The following ATXN1 variants were observed in gnomAD, a reference collection of about 807,000 sequenced individuals.
ATXN1 encodes the protein ataxin 1, also known as ataxin-1.
Under a neutral mutation model 56.4 loss-of-function variants are expected in ATXN1, and 8 were observed. The ratio of observed to expected loss-of-function variants is 0.14; its 90% confidence interval spans 0.08 to 0.26. The LOEUF is 0.26. Among genes scored for constraint, ATXN1 ranks in the 10% least tolerant of loss-of-function variants. The pLI is 1.00. For synonymous variants in ATXN1, 514 were observed against 494.6 expected (o/e 1.04, Z -0.52); for missense variants, 987 against 1,106.5 (o/e 0.89, Z 1.53).
intron 3 of ATXN1, among the ~76,000 whole-genome samples, chr6:16,639,853 T>A (rs76760544): frequency 0.027 from 4,076 of 152,296 alleles, 76 homozygotes; most frequent in South Asian, 0.074. Context: ...AAGAAATACT[T>A]CTTCTCTGAG....
chr6:16,404,513 C>A (rs1026865963), intron 6 of ATXN1, among the ~76,000 whole-genome samples: 1 of 152,138 alleles, frequency 6.6e-6, no homozygotes, highest in South Asian at 2.1e-4. Context: ...TGATGGGACT[C>A]AAGAGATGCT....
chr6:16,307,488 G>A (rs1760277672), intron 7 of ATXN1, among the ~76,000 whole-genome samples: 1 of 151,820 alleles, frequency 6.6e-6, no homozygotes, highest in African/African-American at 2.4e-5. Flanking sequence ...GGCCAACATG[G>A]GGAAACCCCG....
intron 2 of ATXN1, among the ~76,000 whole-genome samples, chr6:16,700,922 A>C (rs1188076675): frequency 6.6e-6 from 1 of 152,130 alleles, no homozygotes; most frequent in East Asian, 1.9e-4. Context: ...TATCACCTTT[A>C]AACTTTGGTT....
intron 2 of ATXN1, among the ~76,000 whole-genome samples, chr6:16,669,050 T>C (rs376330390): frequency 5.3e-5 from 8 of 152,138 alleles, no homozygotes; most frequent in African/African-American, 1.9e-4. Context: ...CAAGCAATAA[T>C]AACAACAATC....
chr6:16,756,740 C>G (rs1760899141), intron 1 of ATXN1, among the ~76,000 whole-genome samples: 1 of 152,160 alleles, frequency 6.6e-6, no homozygotes, highest in Non-Finnish European at 1.5e-5. Context: ...TGTTCAGATC[C>G]TAATCTATGT....
chr6:16,713,720 T>C (rs1430997799), intron 2 of ATXN1, among the ~76,000 whole-genome samples: 1 of 152,170 alleles, frequency 6.6e-6, no homozygotes, highest in African/African-American at 2.4e-5. Context: ...CACGGAGGGA[T>C]TTGTCAGAAA....
At position 16,386,301 on chromosome 6, in the gene ATXN1, T is replaced by C. The variant is rs564163568; in HGVS notation, c.-160-57831A>G. 5.9e-5 allele frequency among the ~76,000 whole-genome samples: 9 copies of C among 152,318 alleles called. No homozygotes were observed. The East Asian group carries it at 1.7e-3, about 29-fold the overall frequency. ...CAAGATCTACATCGCGTTCTCTGCATTGCACTTGCTGCTGCTTTGTAGTCT... is the reference window on the plus strand; with the variant it reads ...CAAGATCTACATCGCGTTCTCTGCACTGCACTTGCTGCTGCTTTGTAGTCT... On this transcript the variant is annotated intron_variant, in intron 6 of 7. Coordinates refer to ENST00000436367, the MANE Select transcript of ATXN1 (RefSeq NM_001128164.2).
intron 6 of ATXN1, among the ~76,000 whole-genome samples, chr6:16,470,356 A>G (rs1231563045): frequency 6.6e-6 from 1 of 152,164 alleles, no homozygotes; most frequent in African/African-American, 2.4e-5. Context: ...TTATGGGTCT[A>G]GATTCAGTTT....
In ATXN1 at chr6:16,326,495, T is replaced by C; in HGVS notation, c.1816A>G (p.Asn606Asp). The part of the protein sequence containing the change: ...EDFIQSAEIS[N>D]DLKIDSSTVE... The stretch of plus-strand genomic sequence containing the variant: ...GTGCTGGAGTCGATCTTCAGGTCGT[T>C]GCTTATCTCTGCACTCTGGATGAAA... Residue 606 changes from asparagine to aspartate, a missense_variant, in exon 7 of 8, where the codon AAC becomes GAC. Transcript: ENST00000436367. The surrounding 1 kb of genome is among the most constrained non-coding windows in gnomAD (Gnocchi z 6.6). 1 of 1,614,202 alleles carries C rather than the reference T, an allele frequency of 6.2e-7. No homozygotes were observed. Among genetic ancestry groups the C allele is most frequent in the Non-Finnish European group, 8.5e-7 (1 of 1,180,034 alleles).
In ATXN1 at chr6:16,567,992, A is replaced by G. The variant is rs112518023; in HGVS notation, c.-361+17788T>C. On this transcript the variant is annotated intron_variant, in intron 4 of 7. Transcript: ENST00000436367. The stretch of plus-strand genomic sequence containing the variant: ...TATATGTGTAGAACACACACACAAA[A>G]GAGAATTATAAACGTCAGAGCTCTT... 4.2e-3 allele frequency among the ~76,000 whole-genome samples: 643 copies of G among 152,294 alleles called. 5 individuals carry two copies. Among genetic ancestry groups the G allele is most frequent in the African/African-American group, 0.015 (603 of 41,550 alleles).
intron 4 of ATXN1, among the ~76,000 whole-genome samples, chr6:16,580,891 A>G (rs545485450): frequency 1.5e-4 from 23 of 152,284 alleles, no homozygotes; most frequent in Non-Finnish European, 1.2e-4. Context: ...TACAGATTGA[A>G]GGAAGGGTGG....
intron 2 of ATXN1, among the ~76,000 whole-genome samples, chr6:16,659,135 T>C (rs1758265376): frequency 2.0e-5 from 3 of 152,304 alleles, no homozygotes; most frequent in Admixed American, 1.3e-4. Flanking sequence ...TGTTTAAACA[T>C]GTGAGTTGAG....
intron 6 of ATXN1, among the ~76,000 whole-genome samples, chr6:16,453,383 C>T (rs1009908914): frequency 1.1e-4 from 16 of 152,040 alleles, no homozygotes; most frequent in Non-Finnish European, 2.2e-4. Flanking sequence ...ATCGCTTGAA[C>T]CCGGGAGGCA....
chr6:16,528,205 G>A (rs1439141489), intron 4 of ATXN1, among the ~76,000 whole-genome samples: 1 of 151,718 alleles, frequency 6.6e-6, no homozygotes, highest in African/African-American at 2.4e-5. Flanking sequence ...GGAGGCTGAG[G>A]CAGCAGAATC....
intron 6 of ATXN1, among the ~76,000 whole-genome samples, chr6:16,361,223 T>G (rs139019175): frequency 6.6e-6 from 1 of 152,040 alleles, no homozygotes; most frequent in Non-Finnish European, 1.5e-5. Context: ...AAAAGGGTAA[T>G]AGTGATTATT....
In ATXN1 at chr6:16,715,830, A is replaced by T. The variant is rs542969480; in HGVS notation, c.-615+37403T>A. Among the ~76,000 whole-genome samples the T allele has an allele frequency of 6.6e-5, 10 of 152,230 alleles. No individual in the cohort carries two copies. In the East Asian group the frequency reaches 1.4e-3, roughly 21 times the overall value. The stretch of plus-strand genomic sequence containing the variant: ...GCCGTAAGTTTCCCAGTTTGGCTCC[A>T]ACTTACTTTTCCAACTAGATTTCCT... On this transcript the variant is annotated intron_variant, in intron 2 of 7. Transcript: ENST00000436367.
intron 5 of ATXN1, among the ~76,000 whole-genome samples, chr6:16,508,995 CAA>C (rs1761031003): frequency 6.6e-6 from 1 of 151,876 alleles, no homozygotes; most frequent in African/African-American, 2.4e-5. Context: ...TTATGCTAAA[CAA>C]AAAGTCACAA....
chr6:16,608,652 C>T (rs566028172), intron 3 of ATXN1, among the ~76,000 whole-genome samples: 1 of 152,266 alleles, frequency 6.6e-6, no homozygotes, highest in Non-Finnish European at 1.5e-5. Context: ...CACTCTGAAT[C>T]ATAAACATTA....
chr6:16,420,401 T>A (rs2113564730), intron 6 of ATXN1, among the ~76,000 whole-genome samples: 1 of 152,322 alleles, frequency 6.6e-6, no homozygotes, highest in African/African-American at 2.4e-5. Flanking sequence ...GGGGGGAGCC[T>A]AACTGCAAAC....
Sources: gnomAD v4.1 joint callset for allele counts (sites outside exome capture counted in the v4.1 genomes callset) on GRCh38, gnomAD v4.1.1 for gene constraint, Gnocchi (gnomAD v3.1) non-coding constraint, MANE v1.5 for transcripts, NCBI Gene and HGNC (gene_info 2026-07-23, HGNC 2026-07-21) for gene names.